PDGFB: variants seen among roughly 807,000 people sequenced by gnomAD.
The protein encoded by PDGFB is platelet-derived growth factor subunit B.
Under a neutral mutation model 29.0 loss-of-function variants are expected in PDGFB, and 6 were observed. That is an observed-to-expected ratio of 0.21 (90% CI 0.11 to 0.41). PDGFB has a LOEUF of 0.41. Among genes scored for constraint, PDGFB ranks in the 10% least tolerant of loss-of-function variants. The pLI, the probability that PDGFB is intolerant of heterozygous loss-of-function variation, is 1.00. For missense variants in PDGFB, 299 were observed against 341.8 expected (o/e 0.87, Z 0.99); for synonymous variants, 144 against 140.8 (o/e 1.02, Z -0.16).
intron 5 of PDGFB, 44 bp downstream of exon 5, chr22:39,230,040 T>C: frequency 1.3e-6 from 2 of 1,598,108 alleles, no homozygotes; most frequent in Non-Finnish European, 1.7e-6. Context: ...CCCCAGCTGC[T>C]GCAGGGGAAG....
At position 39,231,880 on chromosome 22, in the gene PDGFB, C is replaced by A. The variant is rs1204816477; in HGVS notation, c.251-53G>T. 11 of 1,516,600 alleles carry A rather than the reference C, an allele frequency of 7.3e-6. No homozygotes were observed. The highest frequency in any genetic ancestry group is 3.5e-5 in the South Asian group (3 of 85,770). The allele number at this position is 1,516,600 out of a possible 1,614,324, so 93.9% of individuals were successfully genotyped here. On this transcript the variant is annotated intron_variant, in intron 3 of 6. Coordinates refer to ENST00000331163, the MANE Select transcript of PDGFB (RefSeq NM_002608.4). This position sits in a 1 kb window ranked among gnomAD's most constrained non-coding sequence, Gnocchi z 4.3. ...AGCGTAGGCCTGTCCAGAGTCCCCC[C>A]ACTTGGCAGGGGAGCTCAGCGGGTG...
In PDGFB at chr22:39,242,142, G is replaced by A. The variant is rs955515567; in HGVS notation, c.63+1759C>T. On this transcript the variant is annotated intron_variant, in intron 1 of 6. Coordinates refer to ENST00000331163, the MANE Select transcript of PDGFB (RefSeq NM_002608.4). This position sits in a 1 kb window ranked among gnomAD's most constrained non-coding sequence, Gnocchi z 5.7. ...GGCCGCGCGTGCAGGGGCCGTGCGT[G>A]CGTTTGTGTGCGGTGCGCGCGCGTG... 1.3e-5 allele frequency: 3 copies of A among 223,576 alleles called. No individual in the cohort carries two copies. Among genetic ancestry groups the A allele is most frequent in the East Asian group, 1.3e-4 (2 of 15,960 alleles). The allele number at this position is 223,576 out of a possible 1,614,324, so 13.8% of individuals were successfully genotyped here. A position where few individuals can be genotyped will look rare whatever the true frequency, so the allele number is the denominator to read the frequency against.
intron 5 of PDGFB, among the ~76,000 whole-genome samples, chr22:39,227,179 G>C (rs548212342): frequency 1.8e-4 from 28 of 151,700 alleles, no homozygotes; most frequent in African/African-American, 6.5e-4. Flanking sequence ...GGCTGGTCTT[G>C]AACTCCTGAC....
rs371669438 is a variant in PDGFB at position 39,243,728 on chromosome 22, G to C, written c.63+173C>G. On this transcript the variant is annotated intron_variant, in intron 1 of 6. Transcript: ENST00000331163. This position sits in a 1 kb window ranked among gnomAD's most constrained non-coding sequence, Gnocchi z 6.4. ...AAGCCACCGCTGTTGCCTTCCCTTA[G>C]AGCCTGTCACCCCCGGACCTCGCTC... 3.3e-4 allele frequency among the ~76,000 whole-genome samples: 50 copies of C among 152,238 alleles called. 1 individual carries two copies. The highest frequency in any genetic ancestry group is 1.2e-3 in the African/African-American group (50 of 41,546).
chr22:39,225,794 G>A lies in PDGFB; in HGVS notation c.655C>T (p.Pro219Ser). The change falls in exon 6 of 7, where the codon CCC becomes TCC. Residue 219 changes from proline (P) to serine (S), a missense_variant. Coordinates refer to ENST00000331163, the MANE Select transcript of PDGFB (RefSeq NM_002608.4). ...TIRTVRVRRP[P>S]KGKHRKFKHT... is the part of the protein sequence containing the mutation. Reference sequence around the variant, plus strand: ...TTGAATTTCCGGTGCTTGCCCTTGGGGGGCCGGCGGACTCGCACCGTCCGA... The same window carrying A: ...TTGAATTTCCGGTGCTTGCCCTTGGAGGGCCGGCGGACTCGCACCGTCCGA... The A allele has an allele frequency of 6.2e-7, 1 of 1,614,172 alleles. No homozygotes were observed. The highest frequency in any genetic ancestry group is 8.5e-7 in the Non-Finnish European group (1 of 1,180,020).
chr22:39,234,003 C>T (rs959027193), intron 2 of PDGFB, among the ~76,000 whole-genome samples: 3 of 84,726 alleles, frequency 3.5e-5, no homozygotes, highest in Non-Finnish European at 6.7e-5. Context: ...GCTGGGCAGG[C>T]GGGAGCCACG....
intron 3 of PDGFB, among the ~76,000 whole-genome samples, chr22:39,232,451 G>A (rs911822658): frequency 4.6e-5 from 7 of 152,132 alleles, no homozygotes; most frequent in African/African-American, 1.4e-4. Flanking sequence ...TATCCCGTCC[G>A]CCCACATTCA....
Position 39,230,120 on chromosome 22 carries a change from C to T in PDGFB, c.565G>A (p.Val189Met). The T allele has an allele frequency of 1.9e-6, 3 of 1,613,918 alleles. No homozygotes were observed. The highest frequency in any genetic ancestry group is 1.1e-5 in the South Asian group (1 of 91,088). The stretch of plus-strand genomic sequence containing the variant: ...TGGGAACCCCCCGGGCTTCGGGTCA[C>T]AGGCCGTGCAGCTGCCACTGTCTCA... ...KCETVAAARP[V>M]TRSPGGSQEQ... is the part of the protein sequence containing the mutation. The change falls in exon 5 of 7, where the codon GTG (valine) becomes ATG (methionine). Residue 189 changes from valine (V) to methionine (M), a missense_variant. Val to Met is a conservative substitution (Grantham distance 21). Coordinates refer to ENST00000331163, the MANE Select transcript of PDGFB (RefSeq NM_002608.4).
Position 39,244,401 on chromosome 22 carries a change from A to G in PDGFB, c.-438T>C, listed in dbSNP as rs1932644829. ...TGCCCGCCGGCTTAGCTTTTTTGCA[A>G]CATTTTCTGGAAAGGCCCCCAAAAT... On this transcript the variant is annotated 5_prime_UTR_variant, in exon 1 of 7. Transcript: ENST00000331163. This position sits in a 1 kb window ranked among gnomAD's most constrained non-coding sequence, Gnocchi z 4.5. 1 of 187,696 alleles carries G rather than the reference A, an allele frequency of 5.3e-6. No homozygotes were observed. The highest frequency in any genetic ancestry group is 2.3e-5 in the African/African-American group (1 of 42,642). 11.6% of individuals were successfully genotyped at this position (187,696 alleles called of 1,614,324 possible).
At chr22:39,237,115 C>T (rs994388906) in intron 1 of PDGFB, among the ~76,000 whole-genome samples, 4 of 152,198 alleles carry the variant, frequency 2.6e-5, no homozygotes, top group Non-Finnish European at 4.4e-5. Context: ...CGCTGCCTGA[C>T]GGCGGAGGGG....
Position 39,243,856 on chromosome 22 carries a change from A to T in PDGFB, c.63+45T>A. On this transcript the variant is annotated intron_variant, in intron 1 of 6. Transcript: ENST00000331163. The surrounding 1 kb of genome is among the most constrained non-coding windows in gnomAD (Gnocchi z 6.4). ...AGGGGGCGGTCAGAAGGGGGGGGCG[A>T]AGGTAATGAATGAAGAACCAGCCCC... 1 of 1,520,846 alleles carries T rather than the reference A, an allele frequency of 6.6e-7. No individual in the cohort carries two copies. The highest frequency in any genetic ancestry group is 9.0e-7 in the Non-Finnish European group (1 of 1,106,776). 94.2% of individuals were successfully genotyped at this position (1,520,846 alleles called of 1,614,324 possible).
At chr22:39,226,101 C>G (rs1181640465) in intron 5 of PDGFB, among the ~76,000 whole-genome samples, 1 of 152,186 alleles carries the variant, frequency 6.6e-6, no homozygotes, top group Non-Finnish European at 1.5e-5. Context: ...CCTCATAGAA[C>G]TGGTGGGAGG....
rs1396927623 is a variant in PDGFB at position 39,231,971 on chromosome 22, T to C, written c.251-144A>G. 5 of 662,078 alleles carry C rather than the reference T, an allele frequency of 7.6e-6. No individual in the cohort carries two copies. Among genetic ancestry groups the C allele is most frequent in the African/African-American group, 7.3e-5 (4 of 55,014 alleles). The allele number at this position is 662,078 out of a possible 1,614,324, so 41.0% of individuals were successfully genotyped here. A position where few individuals can be genotyped will look rare whatever the true frequency, so the allele number is the denominator to read the frequency against. On this transcript the variant is annotated intron_variant, in intron 3 of 6. Transcript: ENST00000331163. This position sits in a 1 kb window ranked among gnomAD's most constrained non-coding sequence, Gnocchi z 4.3. ...TTCAGGTTTCAAGTCCTGGCTGTCA[T>C]TAGCCATGGGACTTGGGCAGATGGC...
chr22:39,229,892 C>T (rs1270375838), intron 5 of PDGFB, among the ~76,000 whole-genome samples, 192 bp downstream of exon 5: 1 of 152,218 alleles, frequency 6.6e-6, no homozygotes, highest in East Asian at 1.9e-4. Flanking sequence ...GAGAGCCAGC[C>T]AGGGGCTAAT....
chr22:39,227,165 G>A (rs1211674624), intron 5 of PDGFB, among the ~76,000 whole-genome samples: 1 of 151,918 alleles, frequency 6.6e-6, no homozygotes, highest in Admixed American at 6.6e-5. Flanking sequence ...CACCATGTTG[G>A]CCAGGCTGGT....
At chr22:39,229,067 C>T (rs752939960) in intron 5 of PDGFB, among the ~76,000 whole-genome samples, 5 of 152,032 alleles carry the variant, frequency 3.3e-5, no homozygotes, top group African/African-American at 7.2e-5. Flanking sequence ...GAAATGGCTC[C>T]GTCTTCAGGG....
rs58799856 is a variant in PDGFB, at chr22:39,240,939, ACACT to A, written c.63+2958_63+2961del. ...CAGATGCGCACACACACACACACACACACTCTCTCTCTCTCTCTCTTCCTGGCTC... is the reference window on the plus strand; with the variant it reads ...CAGATGCGCACACACACACACACACACTCTCTCTCTCTCTCTTCCTGGCTC... On this transcript the variant is annotated intron_variant, in intron 1 of 6. Coordinates refer to ENST00000331163, the MANE Select transcript of PDGFB (RefSeq NM_002608.4). 594,660 of 1,082,622 alleles carry A rather than the reference ACACT, an allele frequency of 0.55. 121,904 individuals are homozygous for A. The highest frequency in any genetic ancestry group is 0.67 in the East Asian group (25,046 of 37,332). 67.1% of individuals were successfully genotyped at this position (1,082,622 alleles called of 1,614,324 possible).
rs910505653 is a variant in PDGFB, at chr22:39,243,228, C to CTCTCTCTCTCCG, written c.63+661_63+672dup. On this transcript the variant is annotated intron_variant, in intron 1 of 6. Transcript: ENST00000331163. This position sits in a 1 kb window ranked among gnomAD's most constrained non-coding sequence, Gnocchi z 6.4. ...TACCTGCGTCTCTATCTTTCTCTCC[C>CTCTCTCTCTCCG]TCTCTCTCTCCGTCTCTCTCTCCGT... 1.3e-5 allele frequency among the ~76,000 whole-genome samples: 2 copies of CTCTCTCTCTCCG among 150,790 alleles called. No homozygotes were observed. The highest frequency in any genetic ancestry group is 6.6e-5 in the Admixed American group (1 of 15,104).
chr22:39,240,148 T>C (rs1932533341), intron 1 of PDGFB, among the ~76,000 whole-genome samples: 1 of 152,236 alleles, frequency 6.6e-6, no homozygotes, highest in African/African-American at 2.4e-5. Flanking sequence ...CCTCTGCTCC[T>C]TCACGTGGGC....
Sources: allele counts gnomAD v4.1 joint callset (sites outside exome capture counted in the v4.1 genomes callset), GRCh38; gene constraint gnomAD v4.1.1; non-coding constraint Gnocchi (gnomAD v3.1); transcripts MANE v1.5; gene names NCBI Gene and HGNC (gene_info 2026-07-23, HGNC 2026-07-21).